FOXP1: variants seen among roughly 807,000 people sequenced by gnomAD.
FOXP1 encodes the protein forkhead box P1.
FOXP1 carries 15 observed loss-of-function variants against 98.2 expected under a neutral mutation model. The ratio of observed to expected loss-of-function variants is 0.15; its 90% CI spans 0.10 to 0.24. The LOEUF (loss-of-function observed/expected upper bound fraction) is 0.24. Ranked by LOEUF, FOXP1 falls within the 10% of genes least tolerant of loss-of-function variation. The probability of loss-of-function intolerance (pLI) is 1.00; values close to 1 mark genes in which losing one functional copy is unlikely to be tolerated. For synonymous variants in FOXP1, 371 were observed against 314.5 expected (o/e 1.18, Z -1.90); for missense variants, 633 against 848.5 (o/e 0.75, Z 3.15).
chr3:71,211,259 T>G (rs1560121709), intron 5 of FOXP1, among the ~76,000 whole-genome samples: 1 of 152,150 alleles, frequency 6.6e-6, no homozygotes, highest in East Asian at 1.9e-4. Flanking sequence ...CTGGCCAGAG[T>G]GCAGTGGCGC....
intron 7 of FOXP1, among the ~76,000 whole-genome samples, chr3:71,073,395 C>G (rs1239186234): frequency 6.6e-6 from 1 of 152,192 alleles, no homozygotes; most frequent in Non-Finnish European, 1.5e-5. Flanking sequence ...ATTTTAACAG[C>G]AGCAACAGCA....
intron 5 of FOXP1, among the ~76,000 whole-genome samples, chr3:71,248,034 T>C (rs1252313233): frequency 1.3e-5 from 2 of 152,152 alleles, no homozygotes; most frequent in Non-Finnish European, 2.9e-5. Context: ...GTGAGCACAA[T>C]AGCAAGACAG....
intron 3 of FOXP1, among the ~76,000 whole-genome samples, chr3:71,398,988 A>T (rs1458369661): frequency 6.6e-6 from 1 of 152,198 alleles, no homozygotes; most frequent in Non-Finnish European, 1.5e-5. Context: ...CAGCTATTTT[A>T]TTCCCCTATC....
intron 6 of FOXP1, among the ~76,000 whole-genome samples, chr3:71,118,904 G>C (rs921181948): frequency 6.6e-6 from 1 of 152,102 alleles, no homozygotes; most frequent in African/African-American, 2.4e-5. Context: ...AAGGACTTTT[G>C]ACAGAGACCA....
At chr3:71,526,237 G>A (rs2043372919) in intron 2 of FOXP1, among the ~76,000 whole-genome samples, 1 of 152,132 alleles carries the variant, frequency 6.6e-6, no homozygotes, top group South Asian at 2.1e-4. Flanking sequence ...TACATGATGA[G>A]CTAAAAACTC....
intron 7 of FOXP1, among the ~76,000 whole-genome samples, chr3:71,055,372 C>T (rs2050480104): frequency 6.6e-6 from 1 of 152,198 alleles, no homozygotes; most frequent in Non-Finnish European, 1.5e-5. Flanking sequence ...TAACCCAGCT[C>T]TGGAAGGTCA....
At chr3:71,432,861 AAAAAATT>A (rs2084852011) in intron 3 of FOXP1, among the ~76,000 whole-genome samples, 1 of 151,406 alleles carries the variant, frequency 6.6e-6, no homozygotes. Context: ...AAAAAAAAAA[AAAAAATT>A]AAAAAAAAAA....
At chr3:71,440,695 C>CAAA (rs537681767) in intron 3 of FOXP1, among the ~76,000 whole-genome samples, 24 of 96,116 alleles carry the variant, frequency 2.5e-4, no homozygotes, top group African/African-American at 8.7e-4. Context: ...GACTCTGTCT[C>CAAA]AAAAAAAAAA....
intron 7 of FOXP1, among the ~76,000 whole-genome samples, chr3:71,089,858 G>C (rs1361014072): frequency 6.6e-6 from 1 of 152,164 alleles, no homozygotes; most frequent in Non-Finnish European, 1.5e-5. Flanking sequence ...CTTAGAAGAG[G>C]GATAGACAGC....
intron 3 of FOXP1, among the ~76,000 whole-genome samples, chr3:71,423,934 C>G (rs942519689): frequency 2.0e-5 from 3 of 152,126 alleles, no homozygotes; most frequent in African/African-American, 7.2e-5. Context: ...AAATATATTT[C>G]TATTTTTATT....
intron 2 of FOXP1, among the ~76,000 whole-genome samples, chr3:71,577,251 CTT>C (rs1423647321): frequency 4.6e-5 from 7 of 152,180 alleles, no homozygotes; most frequent in Non-Finnish European, 8.8e-5. Context: ...TGTACTTCCT[CTT>C]TGCAGAATAC....
In FOXP1 at chr3:70,955,828, G is replaced by A. The variant is rs200099960; in HGVS notation, c.*3419C>T. 36 of 207,506 alleles carry A rather than the reference G, an allele frequency of 1.7e-4. No homozygotes were observed. Among genetic ancestry groups the A allele is most frequent in the East Asian group, 8.6e-4 (12 of 13,902 alleles). The allele number at this position is 207,506 out of a possible 1,614,324, so 12.9% of individuals were successfully genotyped here. A position where few individuals can be genotyped will look rare whatever the true frequency, so the allele number is the denominator to read the frequency against. ...AAAAAACAGATTAACACACACGCAC[G>A]CGCGCACACACACACACACACACAC... On this transcript the variant is annotated 3_prime_UTR_variant, in exon 21 of 21. Coordinates refer to ENST00000649528, the MANE Select transcript of FOXP1 (RefSeq NM_001349338.3).
At chr3:71,334,917 T>C (rs917870865) in intron 4 of FOXP1, 1 of 151,202 alleles carries the variant, frequency 6.6e-6, no homozygotes, top group African/African-American at 2.4e-5. Flanking sequence ...AGGGGGAGAG[T>C]ATCATATAAA....
intron 3 of FOXP1, among the ~76,000 whole-genome samples, chr3:71,373,058 G>A (rs574728998): frequency 1.3e-5 from 2 of 152,130 alleles, no homozygotes; most frequent in Admixed American, 6.5e-5. Flanking sequence ...TTGTCTGCAC[G>A]CTGAGCTCCT....
chr3:70,991,374 G>A (rs545721602), intron 13 of FOXP1, among the ~76,000 whole-genome samples: 1 of 152,064 alleles, frequency 6.6e-6, no homozygotes, highest in African/African-American at 2.4e-5. Context: ...AGACAGTCTG[G>A]GCTGTGAAAG....
At chr3:71,431,080 C>G (rs559538430) in intron 3 of FOXP1, among the ~76,000 whole-genome samples, 1 of 152,132 alleles carries the variant, frequency 6.6e-6, no homozygotes, top group South Asian at 2.1e-4. Flanking sequence ...GAAGATGAGC[C>G]GGTGGACATG....
At chr3:71,563,663 T>C (rs940054907) in intron 2 of FOXP1, among the ~76,000 whole-genome samples, 2 of 152,238 alleles carry the variant, frequency 1.3e-5, no homozygotes, top group Non-Finnish European at 1.5e-5. Context: ...TGAGGATATA[T>C]GTAACACAGT....
At chr3:71,150,098 G>A (rs2060496006) in intron 6 of FOXP1, among the ~76,000 whole-genome samples, 1 of 152,188 alleles carries the variant, frequency 6.6e-6, no homozygotes, top group African/African-American at 2.4e-5. Context: ...GCAATTGCTT[G>A]ACGCAGATTC....
In FOXP1 at chr3:70,977,943, G is replaced by T; in HGVS notation, c.1233C>A (p.Thr411=). The change falls in exon 15 of 21, where the codon ACC becomes ACA. Residue 411 remains threonine, a synonymous_variant. Coordinates refer to ENST00000649528, the MANE Select transcript of FOXP1 (RefSeq NM_001349338.3). ...CTTGGGTGACGGGAGTCAGGGGGGC[G>T]GTTGGGGTCGTTGGAGTATGAGGTA... ...QSLPHTPTTP[T]APLTPVTQGP... is the part of the protein sequence containing the mutation. 6.2e-7 allele frequency: 1 copy of T among 1,614,138 alleles called. No homozygotes were observed. The highest frequency in any genetic ancestry group is 8.5e-7 in the Non-Finnish European group (1 of 1,180,026).
Sources: gnomAD v4.1 joint callset for allele counts (sites outside exome capture counted in the v4.1 genomes callset) on GRCh38, gnomAD v4.1.1 for gene constraint, MANE v1.5 for transcripts, NCBI Gene and HGNC (gene_info 2026-07-23, HGNC 2026-07-21) for gene names.